The following SPP2 variants were observed in gnomAD, a reference collection of about 807,000 sequenced individuals.
SPP2 encodes secreted phosphoprotein 2.
A neutral mutation model predicts 28.8 loss-of-function variants in SPP2; 34 were observed. That is an observed-to-expected ratio of 1.18 (90% CI 0.90 to 1.57). The LOEUF (loss-of-function observed/expected upper bound fraction) is 1.57. SPP2 is among the 40% of genes most tolerant of loss of function. SPP2 has a pLI of 0.00. For synonymous variants in SPP2, 96 were observed against 89.4 expected (o/e 1.07, Z -0.42); for missense variants, 269 against 263.9 (o/e 1.02, Z -0.13).
At chr2:234,076,504 C>T (rs1359323184) in intron 7 of SPP2, among the ~76,000 whole-genome samples, 2 of 152,136 alleles carry the variant, frequency 1.3e-5, no homozygotes, top group African/African-American at 4.8e-5. Flanking sequence ...AAAACTATGC[C>T]TCATTGATCT....
chr2:234,064,612 A>G (rs2125462964), intron 4 of SPP2, among the ~76,000 whole-genome samples: 1 of 152,322 alleles, frequency 6.6e-6, no homozygotes, highest in Non-Finnish European at 1.5e-5. Flanking sequence ...TTTAATATGT[A>G]CAGTTCAGTG....
intron 2 of SPP2, among the ~76,000 whole-genome samples, chr2:234,052,714 A>G (rs1458532660): frequency 1.3e-5 from 2 of 152,308 alleles, no homozygotes; most frequent in East Asian, 1.9e-4. Flanking sequence ...AGGTCTGCCT[A>G]TTCTTGCCTC....
chr2:234,056,494 G>A (rs1490320136), intron 2 of SPP2, among the ~76,000 whole-genome samples: 1 of 152,162 alleles, frequency 6.6e-6, no homozygotes. Flanking sequence ...CCCTATTCTT[G>A]AAAGTCCCCT....
chr2:234,054,672 G>A (rs1396874100), intron 2 of SPP2, among the ~76,000 whole-genome samples: 4 of 152,108 alleles, frequency 2.6e-5, no homozygotes, highest in African/African-American at 9.7e-5. Context: ...ACCTCCCAAA[G>A]GCCCAACCTC....
chr2:234,067,105 A>G (rs994738588), intron 5 of SPP2, 119 bp from the exon 6 acceptor site: 34 of 989,374 alleles, frequency 3.4e-5, no homozygotes, highest in East Asian at 2.4e-4. Flanking sequence ...ATAAAACTCA[A>G]TGGTGATCTC....
Position 234,068,228 on chromosome 2 carries a change from A to G in SPP2, c.550+954A>G, listed in dbSNP as rs549610144. ...TATGCAAATTGTCTACCCTGTACTA[A>G]TTGCCTAACACAATTTTCTTCTTCA... On this transcript the variant is annotated intron_variant, in intron 6 of 7. Transcript: ENST00000168148. Among the ~76,000 whole-genome samples the G allele has an allele frequency of 3.9e-5, 6 of 152,312 alleles. No homozygotes were observed. In the East Asian group the frequency reaches 1.2e-3, roughly 29 times the overall value.
chr2:234,067,828 T>A (rs1574833781), intron 6 of SPP2, among the ~76,000 whole-genome samples: 3 of 141,820 alleles, frequency 2.1e-5, no homozygotes, highest in African/African-American at 7.9e-5. Context: ...AATCAAAATA[T>A]CAAATCTGGC....
In SPP2 at chr2:234,058,913, T is replaced by G. The variant is rs762063454; in HGVS notation, c.288T>G (p.Ser96=). 1.2e-6 allele frequency: 2 copies of G among 1,614,116 alleles called. No homozygotes were observed. The highest frequency in any genetic ancestry group is 1.7e-6 in the Non-Finnish European group (2 of 1,179,962). Residue 96 remains serine, a synonymous_variant, in exon 3 of 8, where the codon TCT becomes TCG. Transcript: ENST00000168148. ...SIRETTCRKD[S]GEDPATCAFQ... ...GGGAGACTACATGCAGGAAGGATTCTGGAGAAGATCCCGCTACATGTGCCT... is the reference window on the plus strand; with the variant it reads ...GGGAGACTACATGCAGGAAGGATTCGGGAGAAGATCCCGCTACATGTGCCT...
rs28903701 is a variant in SPP2, at chr2:234,059,412, G to T, written c.333+454G>T. On this transcript the variant is annotated intron_variant, in intron 3 of 7. Coordinates refer to ENST00000168148, the MANE Select transcript of SPP2 (RefSeq NM_006944.3). The stretch of plus-strand genomic sequence containing the variant: ...TCAGGAACATGGCATGTTCGCTTTC[G>T]TGTCTCTCATGACCAGAACATGTAC... Among the ~76,000 whole-genome samples the T allele has an allele frequency of 9.0e-3, 1,363 of 152,184 alleles. 20 individuals carry two copies. The highest frequency in any genetic ancestry group is 0.032 in the African/African-American group (1,319 of 41,500).
chr2:234,058,775 T>C lies in SPP2; in HGVS notation c.211-61T>C, dbSNP rs1693658507. 3.9e-6 allele frequency: 6 copies of C among 1,557,148 alleles called. No homozygotes were observed. In the South Asian group the frequency reaches 7.5e-5, roughly 19 times the overall value. The stretch of plus-strand genomic sequence containing the variant: ...TTTCTTATGGGGTAGAGACAATGAT[T>C]TATAGCATCATAAACTTCAGAAATG... On this transcript the variant is annotated intron_variant, in intron 2 of 7. Transcript: ENST00000168148.
intron 4 of SPP2, 118 bp from the exon 5 acceptor site, chr2:234,066,415 T>C: frequency 1.2e-6 from 1 of 822,904 alleles, no homozygotes; most frequent in Non-Finnish European, 2.0e-6. Flanking sequence ...GCCTATTTCA[T>C]TAAAAATGGA....
intron 2 of SPP2, among the ~76,000 whole-genome samples, chr2:234,055,142 T>TGAGA (rs5839501): frequency 0.33 from 50,308 of 151,832 alleles, 8,525 homozygotes; most frequent in South Asian, 0.5. Context: ...TATGAATATA[T>TGAGA]GAGAGAGAGA....
chr2:234,070,548 GC>G (rs1253800683), intron 7 of SPP2, among the ~76,000 whole-genome samples: 1 of 152,162 alleles, frequency 6.6e-6, no homozygotes, highest in Non-Finnish European at 1.5e-5. Context: ...TGCAACCTCT[GC>G]CTCCTGGGTT....
chr2:234,060,868 T>C (rs754629192), intron 4 of SPP2, among the ~76,000 whole-genome samples: 26 of 152,148 alleles, frequency 1.7e-4, no homozygotes, highest in Non-Finnish European at 3.4e-4. Context: ...TCTAAGTATG[T>C]GGCTCGCTGG....
chr2:234,076,314 C>T (rs976727033), intron 7 of SPP2, among the ~76,000 whole-genome samples: 1 of 152,176 alleles, frequency 6.6e-6, no homozygotes, highest in African/African-American at 2.4e-5. Flanking sequence ...TCTCAGGCCC[C>T]CTCTGCTGGG....
rs143413335 is a variant in SPP2, at chr2:234,074,419, A to T, written c.*11-2426A>T. Among the ~76,000 whole-genome samples the T allele has an allele frequency of 1.2e-3, 188 of 152,208 alleles. 1 individual carries two copies. Among genetic ancestry groups the T allele is most frequent in the African/African-American group, 4.3e-3 (178 of 41,520 alleles). On this transcript the variant is annotated intron_variant, in intron 7 of 7. Coordinates refer to ENST00000168148, the MANE Select transcript of SPP2 (RefSeq NM_006944.3). The stretch of plus-strand genomic sequence containing the variant: ...AGTGATTTCCACTTTCAGGTGTCAG[A>T]CTCATTCGTGACAACTTCTTGTCAT...
chr2:234,060,608 C>A, intron 4 of SPP2, 129 bp downstream of exon 4: 1 of 687,458 alleles, frequency 1.5e-6, no homozygotes, highest in Non-Finnish European at 2.5e-6. Context: ...TCTGCTGACA[C>A]AGTGGGATTC....
intron 6 of SPP2, among the ~76,000 whole-genome samples, chr2:234,067,602 C>A (rs927179930): frequency 6.6e-6 from 1 of 151,660 alleles, no homozygotes; most frequent in Non-Finnish European, 1.5e-5. Flanking sequence ...ATGGTGAAAC[C>A]CCGTCTCTAC....
intron 3 of SPP2, 137 bp downstream of exon 3, chr2:234,059,095 C>T (rs1693667155): frequency 3.8e-6 from 4 of 1,049,314 alleles, no homozygotes; most frequent in Non-Finnish European, 5.3e-6. Flanking sequence ...ACATTGTGTC[C>T]CCTGGTGGGG....
Sources: gnomAD v4.1 joint callset for allele counts (sites outside exome capture counted in the v4.1 genomes callset) on GRCh38, gnomAD v4.1.1 for gene constraint, MANE v1.5 for transcripts, NCBI Gene and HGNC (gene_info 2026-07-23, HGNC 2026-07-21) for gene names.